GLDC: variants seen among roughly 807,000 people sequenced by gnomAD.
GLDC encodes glycine dehydrogenase (decarboxylating), mitochondrial.
A neutral mutation model predicts 121.3 loss-of-function variants in GLDC; 104 were observed. That is an observed-to-expected ratio of 0.86 (90% confidence interval 0.73 to 1.01). The LOEUF is 1.01. Ranked by LOEUF, GLDC falls within the 50% of genes least tolerant of loss-of-function variation. The pLI, the probability that GLDC is intolerant of heterozygous loss-of-function variation, is 0.00. For synonymous variants in GLDC, 546 were observed against 480.6 expected (o/e 1.14, Z -1.78); for missense variants, 1,429 against 1,306.6 (o/e 1.09, Z -1.44).
intron 2 of GLDC, among the ~76,000 whole-genome samples, chr9:6,640,737 G>C (rs763362060): frequency 1.2e-4 from 19 of 152,166 alleles, no homozygotes; most frequent in Non-Finnish European, 2.4e-4. Flanking sequence ...TAGTTGCCTT[G>C]AGATGAATTC....
rs1323178815 is a variant in GLDC, at chr9:6,556,189, T to C, written c.2166A>G (p.Gly722=). Residue 722 remains glycine (G), a synonymous_variant, in exon 18 of 25, where the codon GGA becomes GGG. Coordinates refer to ENST00000321612, the MANE Select transcript of GLDC (RefSeq NM_000170.3). ...TATTTGCCCCGTCTAGGTAGACCTG[T>C]CCTCCATGTTGATGGATGAGGTCAC... ...DVCDLIHQHG[G]QVYLDGANMN... 1.9e-6 allele frequency: 3 copies of C among 1,613,388 alleles called. No homozygotes were observed. Among genetic ancestry groups the C allele is most frequent in the Non-Finnish European group, 2.5e-6 (3 of 1,179,550 alleles).
intron 15 of GLDC, among the ~76,000 whole-genome samples, chr9:6,568,233 T>C (rs1587933336): frequency 6.6e-6 from 1 of 152,088 alleles, no homozygotes. Flanking sequence ...TCTATAAAAA[T>C]CAGCTATGTT....
At chr9:6,616,398 G>A (rs1818967459) in intron 3 of GLDC, among the ~76,000 whole-genome samples, 1 of 152,170 alleles carries the variant, frequency 6.6e-6, no homozygotes, top group Non-Finnish European at 1.5e-5. Context: ...TTGCAAATAT[G>A]CCAAATATGT....
chr9:6,596,983 A>G (rs941770546), intron 8 of GLDC, among the ~76,000 whole-genome samples: 4 of 152,256 alleles, frequency 2.6e-5, no homozygotes, highest in Admixed American at 1.3e-4. Context: ...ATGTTTACCA[A>G]TTGATGAATG....
chr9:6,556,878 A>G (rs1459954910), intron 17 of GLDC, among the ~76,000 whole-genome samples: 1 of 152,162 alleles, frequency 6.6e-6, no homozygotes, highest in Non-Finnish European at 1.5e-5. Flanking sequence ...AGGACTATTC[A>G]CAAGATTTTT....
At chr9:6,543,840 A>C (rs755620993) in intron 21 of GLDC, among the ~76,000 whole-genome samples, 7 of 151,956 alleles carry the variant, frequency 4.6e-5, no homozygotes, top group Non-Finnish European at 8.8e-5. Context: ...TGCTGGACCT[A>C]ACAGTGACTA....
chr9:6,604,884 G>A, intron 6 of GLDC, 100 bp from the exon 7 acceptor site: 1 of 1,030,452 alleles, frequency 9.7e-7, no homozygotes, highest in Non-Finnish European at 1.5e-6. Context: ...CGGGCAGAGT[G>A]TGTTCACATC....
At chr9:6,564,264 T>A (rs1817812661) in intron 16 of GLDC, among the ~76,000 whole-genome samples, 1 of 149,486 alleles carries the variant, frequency 6.7e-6, no homozygotes, top group Non-Finnish European at 1.5e-5. Context: ...AAAAAAAAAA[T>A]TCTATTCCCC....
At chr9:6,605,316 G>A in intron 5 of GLDC, 38 bp from the exon 6 acceptor site, 4 of 1,603,952 alleles carry the variant, frequency 2.5e-6, no homozygotes, top group East Asian at 2.2e-5. Flanking sequence ...CGTGCTTTCG[G>A]TTTATAAGGG....
At chr9:6,562,939 G>C (rs1817786813) in intron 16 of GLDC, among the ~76,000 whole-genome samples, 1 of 152,184 alleles carries the variant, frequency 6.6e-6, no homozygotes, top group South Asian at 2.1e-4. Flanking sequence ...TCAGTGGCTG[G>C]AGGGCTTCCC....
In GLDC at chr9:6,610,217, C is replaced by T. The variant is rs757620314; in HGVS notation, c.610G>A (p.Ala204Thr). Residue 204 changes from alanine (A) to threonine (T), a missense_variant, in exon 4 of 25, where the codon GCA becomes ACA. Ala to Thr is a moderately conservative substitution (Grantham distance 58, BLOSUM62 0). Coordinates refer to ENST00000321612, the MANE Select transcript of GLDC (RefSeq NM_000170.3). ...ASLLDEGTAA[A>T]EALQLCYRHN... ...CTGTAGCACAGCTGCAGTGCCTCTGCGGCTGCAGTCCCCTCATCCAGCAGG... is the reference window on the plus strand; with the variant it reads ...CTGTAGCACAGCTGCAGTGCCTCTGTGGCTGCAGTCCCCTCATCCAGCAGG... 2.0e-5 allele frequency: 32 copies of T among 1,612,558 alleles called. No homozygotes were observed. The highest frequency in any genetic ancestry group is 6.6e-5 in the South Asian group (6 of 90,672).
At chr9:6,633,651 G>A (rs1279043061) in intron 2 of GLDC, among the ~76,000 whole-genome samples, 1 of 151,948 alleles carries the variant, frequency 6.6e-6, no homozygotes, top group Non-Finnish European at 1.5e-5. Flanking sequence ...GCCAGGCACA[G>A]TGGCTCACAA....
At chr9:6,585,116 G>A (rs1237470020) in intron 15 of GLDC, 1 of 152,120 alleles carries the variant, frequency 6.6e-6, no homozygotes, top group Non-Finnish European at 1.5e-5. Context: ...TGGGCATCAG[G>A]GATGTTATAA....
intron 15 of GLDC, among the ~76,000 whole-genome samples, chr9:6,580,586 T>C (rs898736944): frequency 2.0e-5 from 3 of 152,138 alleles, no homozygotes; most frequent in African/African-American, 7.2e-5. Flanking sequence ...TGCCTTCTGA[T>C]CCCTTAAAAC....
At chr9:6,609,466 T>C (rs1011298887) in intron 4 of GLDC, among the ~76,000 whole-genome samples, 1 of 152,082 alleles carries the variant, frequency 6.6e-6, no homozygotes, top group African/African-American at 2.4e-5. Flanking sequence ...CACTACCCTC[T>C]TACAACCCCA....
chr9:6,538,867 A>G (rs996448581), intron 22 of GLDC, among the ~76,000 whole-genome samples: 4 of 152,164 alleles, frequency 2.6e-5, no homozygotes, highest in African/African-American at 9.7e-5. Context: ...AGGTTACAAG[A>G]GTTGCCAAGC....
In GLDC at chr9:6,582,030, C is replaced by T. The variant is rs62568996; in HGVS notation, c.1850+5111G>A. ...AGGAGTTTGAGACCAGCCTGGCCAA[C>T]ATAGTGAAACCCGATCTCCACTAAA... On this transcript the variant is annotated intron_variant, in intron 15 of 24. Coordinates refer to ENST00000321612, the MANE Select transcript of GLDC (RefSeq NM_000170.3). 1.6e-4 allele frequency among the ~76,000 whole-genome samples: 24 copies of T among 151,164 alleles called. No homozygotes were observed. The South Asian group carries it at 2.3e-3, about 14-fold the overall frequency.
chr9:6,599,195 AAAAG>A (rs1279353033), intron 8 of GLDC, among the ~76,000 whole-genome samples: 2 of 152,010 alleles, frequency 1.3e-5, no homozygotes, highest in Admixed American at 6.6e-5. Context: ...AAAAAAAAAA[AAAAG>A]AAAGAAACAG....
chr9:6,563,976 T>G (rs961576070), intron 16 of GLDC, among the ~76,000 whole-genome samples: 5 of 151,554 alleles, frequency 3.3e-5, no homozygotes, highest in Admixed American at 3.3e-4. Flanking sequence ...CCAGGCGCAG[T>G]GGCTCACACC....
Sources: allele counts gnomAD v4.1 joint callset (sites outside exome capture counted in the v4.1 genomes callset), GRCh38; gene constraint gnomAD v4.1.1; transcripts MANE v1.5; gene names NCBI Gene and HGNC (gene_info 2026-07-23, HGNC 2026-07-21).